The following VPS26C variants were observed in gnomAD, a reference collection of about 807,000 sequenced individuals.
VPS26C encodes the protein VPS26 endosomal protein sorting factor C, also known as vacuolar protein sorting-associated protein 26C.
In VPS26C, 19 loss-of-function variants were observed where a neutral mutation model predicts 30.6. The observed-to-expected ratio is 0.62, with a 90% CI of 0.43 to 0.91. VPS26C has a LOEUF of 0.91. Among genes scored for constraint, VPS26C ranks in the 40% least tolerant of loss-of-function variants. The pLI, the probability that VPS26C is intolerant of heterozygous loss-of-function variation, is 0.00. For missense variants in VPS26C, 318 were observed against 385.1 expected (o/e 0.83, Z 1.46); for synonymous variants, 132 against 151.5 (o/e 0.87, Z 0.95).
At chr21:37,258,538 A>AAATAAAGT (rs1169290428) in intron 1 of VPS26C, among the ~76,000 whole-genome samples, 3 of 152,158 alleles carry the variant, frequency 2.0e-5, no homozygotes, top group Admixed American at 2.0e-4. Context: ...GTTACCTGGA[A>AAATAAAGT]AATAAAGTTT....
chr21:37,238,515 A>G lies in VPS26C; in HGVS notation c.296T>C (p.Leu99Ser), dbSNP rs1423153237. The G allele has an allele frequency of 6.2e-7, 1 of 1,614,074 alleles. No homozygotes were observed. Among genetic ancestry groups the G allele is most frequent in the East Asian group, 2.2e-5 (1 of 44,894 alleles). Residue 99 changes from leucine (L) to serine (S), a missense_variant, in exon 3 of 8, where the codon TTG becomes TCG. By Grantham distance (145) the Leu-to-Ser change is moderately radical. Transcript: ENST00000309117. ...TEIPFEFPLH[L>S]KGNKVLYETY... ...CTCATACAGAACTTTGTTACCCTTC[A>G]AGTGCAGAGGAAATTCAAAAGGGAT...
chr21:37,255,478 C>A (rs922370416), intron 1 of VPS26C, among the ~76,000 whole-genome samples: 2 of 152,178 alleles, frequency 1.3e-5, no homozygotes, highest in Non-Finnish European at 2.9e-5. Flanking sequence ...CCACCAGAGA[C>A]CTGCCCAACG....
intron 1 of VPS26C, among the ~76,000 whole-genome samples, chr21:37,254,367 G>A (rs369323230): frequency 6.6e-6 from 1 of 152,106 alleles, no homozygotes; most frequent in African/African-American, 2.4e-5. Context: ...GGGGTGGCTC[G>A]CACTGTAATC....
chr21:37,249,497 C>T (rs1196323700), intron 1 of VPS26C, among the ~76,000 whole-genome samples: 2 of 152,184 alleles, frequency 1.3e-5, no homozygotes, highest in South Asian at 2.1e-4. Context: ...GTCAATTTCA[C>T]AGGAAATGTC....
At chr21:37,256,687 G>T (rs1602285274) in intron 1 of VPS26C, among the ~76,000 whole-genome samples, 3 of 152,266 alleles carry the variant, frequency 2.0e-5, no homozygotes, top group African/African-American at 7.2e-5. Context: ...AAAAGCCCAG[G>T]CAGTCTTTTT....
At chr21:37,267,042 C>T in intron 1 of VPS26C, 196 bp downstream of exon 1, 1 of 632,718 alleles carries the variant, frequency 1.6e-6, no homozygotes, top group South Asian at 1.9e-5. Context: ...GGCCTCCTCG[C>T]AGGGCAGCCA....
At chr21:37,264,283 G>A (rs2086336138) in intron 1 of VPS26C, among the ~76,000 whole-genome samples, 1 of 152,198 alleles carries the variant, frequency 6.6e-6, no homozygotes, top group South Asian at 2.1e-4. Context: ...TGAAGGTTGA[G>A]AGAAGCTGCC....
intron 1 of VPS26C, among the ~76,000 whole-genome samples, chr21:37,241,363 T>G (rs1413269681): frequency 6.6e-6 from 1 of 152,192 alleles, no homozygotes; most frequent in Non-Finnish European, 1.5e-5. Context: ...AGTAATAGAT[T>G]ACGGATAGTA....
At chr21:37,267,555 G>A (rs914578618), upstream of VPS26C, 1 of 552,434 alleles carries the variant, frequency 1.8e-6, no homozygotes, top group Non-Finnish European at 3.2e-6. Flanking sequence ...CGTGAAAGAC[G>A]GGGCCAAGCT....
At chr21:37,245,727 A>G (rs966289774) in intron 1 of VPS26C, among the ~76,000 whole-genome samples, 2 of 152,174 alleles carry the variant, frequency 1.3e-5, no homozygotes, top group African/African-American at 2.4e-5. Context: ...CCAGAAGAAA[A>G]ATCCATACCA....
chr21:37,228,463 T>A, intron 5 of VPS26C, 90 bp from the exon 6 acceptor site: 1 of 1,456,628 alleles, frequency 6.9e-7, no homozygotes, highest in African/African-American at 1.4e-5. Context: ...GGAAGCGAAG[T>A]TGGATAGTGG....
At chr21:37,228,774 G>A (rs554822846) in intron 5 of VPS26C, 3 of 164,972 alleles carry the variant, frequency 1.8e-5, no homozygotes, top group Admixed American at 6.0e-5. Context: ...GCTCAGGCCC[G>A]TAATCCCAGG....
At chr21:37,258,557 T>C (rs1389347560) in intron 1 of VPS26C, among the ~76,000 whole-genome samples, 5 of 152,196 alleles carry the variant, frequency 3.3e-5, no homozygotes, top group Admixed American at 3.3e-4. Context: ...TTTCTCCTTT[T>C]TTCTTCCTTT....
In VPS26C at chr21:37,233,488, G is replaced by C; in HGVS notation, c.352-46C>G. ...AAAAAAGTTCATTTTAGTGGGATTT[G>C]CTTTCATCTTGGAATTATATTCAAA... On this transcript the variant is annotated intron_variant, in intron 3 of 7. Coordinates refer to ENST00000309117, the MANE Select transcript of VPS26C (RefSeq NM_006052.2). The surrounding 1 kb of genome is among the most constrained non-coding windows in gnomAD (Gnocchi z 5.2). The C allele has an allele frequency of 5.7e-6, 8 of 1,396,698 alleles. No individual in the cohort carries two copies. Among genetic ancestry groups the C allele is most frequent in the Non-Finnish European group, 8.1e-6 (8 of 983,008 alleles). The allele number at this position is 1,396,698 out of a possible 1,614,324, so 86.5% of individuals were successfully genotyped here.
intron 2 of VPS26C, among the ~76,000 whole-genome samples, chr21:37,239,899 T>G (rs2148292082): frequency 6.6e-6 from 1 of 152,248 alleles, no homozygotes; most frequent in East Asian, 1.9e-4. Context: ...CACCCAGGTG[T>G]GATCTTTTTA....
chr21:37,253,071 TTA>T (rs201903628), intron 1 of VPS26C, among the ~76,000 whole-genome samples: 1,611 of 152,346 alleles, frequency 0.011, 23 homozygotes, highest in East Asian at 0.028. Context: ...GAGGAAATAG[TTA>T]TATTACTTTC....
chr21:37,262,645 G>C (rs1220603698), intron 1 of VPS26C, among the ~76,000 whole-genome samples: 2 of 152,230 alleles, frequency 1.3e-5, no homozygotes. Context: ...AGTTGCGTGT[G>C]TGTGCACACG....
intron 3 of VPS26C, among the ~76,000 whole-genome samples, chr21:37,236,769 C>T (rs2086029006): frequency 6.6e-6 from 1 of 152,082 alleles, no homozygotes; most frequent in South Asian, 2.1e-4. Context: ...TACTGAATTC[C>T]AAATTGTAGT....
At chr21:37,248,542 C>G (rs925933299) in intron 1 of VPS26C, among the ~76,000 whole-genome samples, 3 of 151,682 alleles carry the variant, frequency 2.0e-5, no homozygotes, top group African/African-American at 4.8e-5. Context: ...TATAATTTAT[C>G]CAAAATCACT....
Sources: gnomAD v4.1 joint callset for allele counts (sites outside exome capture counted in the v4.1 genomes callset) on GRCh38, gnomAD v4.1.1 for gene constraint, Gnocchi (gnomAD v3.1) non-coding constraint, MANE v1.5 for transcripts, NCBI Gene and HGNC (gene_info 2026-07-23, HGNC 2026-07-21) for gene names.